PACRG: variants seen among roughly 807,000 people sequenced by gnomAD.
The protein encoded by PACRG is parkin coregulated, also known as parkin coregulated gene protein.
A neutral mutation model predicts 29.7 loss-of-function variants in PACRG; 29 were observed. The observed-to-expected ratio is 0.98, with a 90% CI of 0.73 to 1.33. The LOEUF is 1.33. Ranked by LOEUF, PACRG falls within the 40% of genes most tolerant of loss-of-function variation. The pLI is 0.00. For missense variants in PACRG, 279 were observed against 316.2 expected (o/e 0.88, Z 0.89); for synonymous variants, 116 against 118.7 (o/e 0.98, Z 0.15).
intron 4 of PACRG, among the ~76,000 whole-genome samples, chr6:163,098,719 G>A (rs1217801747): frequency 6.6e-6 from 1 of 152,180 alleles, no homozygotes; most frequent in Non-Finnish European, 1.5e-5. Context: ...AGAAAGTAAA[G>A]GAATAAAAGA....
At chr6:162,769,499 C>G (rs577595548) in intron 1 of PACRG, among the ~76,000 whole-genome samples, 31 of 152,014 alleles carry the variant, frequency 2.0e-4, no homozygotes, top group Admixed American at 1.3e-3. Flanking sequence ...TAGGGCTCAG[C>G]TTTTTAAACC....
In PACRG at chr6:163,062,326, G is replaced by A; in HGVS notation, c.463+5G>A. The A allele has an allele frequency of 1.2e-6, 2 of 1,605,520 alleles. No individual in the cohort carries two copies. Among genetic ancestry groups the A allele is most frequent in the Non-Finnish European group, 1.7e-6 (2 of 1,176,808 alleles). On this transcript the variant is annotated splice_donor_5th_base_variant and intron_variant, in intron 3 of 4. Coordinates refer to ENST00000366888, the MANE Select transcript of PACRG (RefSeq NM_001080379.2). ...AGCTCATTATCCCGATAAAAAGTAA[G>A]TGAACCGGTGAAAAAGCATCACTCA...
chr6:162,843,330 C>T (rs1210476886), intron 2 of PACRG, among the ~76,000 whole-genome samples: 22 of 147,628 alleles, frequency 1.5e-4, no homozygotes, highest in Admixed American at 6.1e-4. Flanking sequence ...CTTCCCTTCT[C>T]GCTTCATTTC....
intron 2 of PACRG, among the ~76,000 whole-genome samples, chr6:162,958,878 TATATATAG>T (rs1209591207): frequency 8.4e-4 from 17 of 20,184 alleles, no homozygotes; most frequent in South Asian, 2.5e-3. Context: ...TATATATATA[TATATATAG>T]AGAGAGAGAG....
At chr6:163,077,905 G>A (rs1477410360) in intron 3 of PACRG, among the ~76,000 whole-genome samples, 2 of 152,158 alleles carry the variant, frequency 1.3e-5, no homozygotes, top group Non-Finnish European at 2.9e-5. Flanking sequence ...CAGCACCCAC[G>A]ATGGAGGCGG....
At chr6:162,738,220 A>G (rs1780315329) in intron 1 of PACRG, among the ~76,000 whole-genome samples, 1 of 152,222 alleles carries the variant, frequency 6.6e-6, no homozygotes, top group Non-Finnish European at 1.5e-5. Flanking sequence ...CTATAGATAG[A>G]TGGATACAGA....
intron 3 of PACRG, among the ~76,000 whole-genome samples, chr6:163,085,039 G>A (rs1165880334): frequency 3.3e-5 from 5 of 151,800 alleles, no homozygotes; most frequent in South Asian, 2.1e-4. Flanking sequence ...TGACCACAAC[G>A]GTCACCAAAA....
At chr6:163,096,866 T>C (rs1017203710) in intron 4 of PACRG, among the ~76,000 whole-genome samples, 2 of 152,234 alleles carry the variant, frequency 1.3e-5, no homozygotes, top group African/African-American at 4.8e-5. Context: ...ACATCTAAGA[T>C]GATTACATAT....
intron 1 of PACRG, among the ~76,000 whole-genome samples, chr6:162,737,195 T>C (rs1780230170): frequency 6.6e-6 from 1 of 152,138 alleles, no homozygotes; most frequent in Non-Finnish European, 1.5e-5. Context: ...TTCCCGGACC[T>C]TGCCTGCTGT....
chr6:163,284,531 TTAA>T (rs1223491616), intron 4 of PACRG, among the ~76,000 whole-genome samples: 2 of 152,380 alleles, frequency 1.3e-5, no homozygotes, highest in South Asian at 4.1e-4. Flanking sequence ...GTTTAACAGA[TTAA>T]TGTTATTTTA....
At chr6:162,951,983 G>A (rs1215311496) in intron 2 of PACRG, among the ~76,000 whole-genome samples, 1 of 152,068 alleles carries the variant, frequency 6.6e-6, no homozygotes, top group African/African-American at 2.4e-5. Context: ...CTGAATCTTA[G>A]GAGAGAAATG....
intron 4 of PACRG, among the ~76,000 whole-genome samples, chr6:163,121,550 C>T (rs1389455496): frequency 6.6e-6 from 1 of 152,092 alleles, no homozygotes; most frequent in Non-Finnish European, 1.5e-5. Flanking sequence ...CTGAAATACA[C>T]CTAGTATGTG....
intron 4 of PACRG, among the ~76,000 whole-genome samples, chr6:163,300,915 T>C: frequency 9.4e-6 from 1 of 105,980 alleles, no homozygotes. Flanking sequence ...TTCCCATGAG[T>C]TTAGTAGGGC....
chr6:162,968,401 T>C lies in PACRG; in HGVS notation c.292-93749T>C, dbSNP rs184373226. On this transcript the variant is annotated intron_variant, in intron 2 of 4. Coordinates refer to ENST00000366888, the MANE Select transcript of PACRG (RefSeq NM_001080379.2). The stretch of plus-strand genomic sequence containing the variant: ...TCAAACAAAAAAATCTGTATCTGTC[T>C]TTCTCACTGAAATATTGTGAGAGTT... Among the ~76,000 whole-genome samples the C allele has an allele frequency of 3.9e-4, 60 of 152,358 alleles. No homozygotes were observed. In the East Asian group the frequency reaches 0.011, roughly 29 times the overall value.
chr6:162,764,333 A>G (rs1782614257), intron 1 of PACRG, among the ~76,000 whole-genome samples: 1 of 152,142 alleles, frequency 6.6e-6, no homozygotes, highest in Non-Finnish European at 1.5e-5. Context: ...TTCATTGCAA[A>G]AATTATGTAT....
chr6:163,199,399 C>T (rs1780603444), intron 4 of PACRG, among the ~76,000 whole-genome samples: 1 of 152,168 alleles, frequency 6.6e-6, no homozygotes, highest in Admixed American at 6.5e-5. Flanking sequence ...AGCCGCTGTT[C>T]CAAGTGAAAA....
intron 4 of PACRG, among the ~76,000 whole-genome samples, chr6:163,308,457 G>A (rs1372789874): frequency 6.6e-6 from 1 of 152,210 alleles, no homozygotes; most frequent in Admixed American, 6.5e-5. Flanking sequence ...CTTGAGGCCA[G>A]GAGTTCGAGA....
At chr6:163,122,517 C>G (rs1446128596) in intron 4 of PACRG, among the ~76,000 whole-genome samples, 1 of 152,124 alleles carries the variant, frequency 6.6e-6, no homozygotes, top group Non-Finnish European at 1.5e-5. Flanking sequence ...CCCACAAGAG[C>G]TGTTTGTTTA....
chr6:162,827,783 T>C (rs1224857255), intron 2 of PACRG, among the ~76,000 whole-genome samples: 1 of 152,038 alleles, frequency 6.6e-6, no homozygotes. Context: ...ATTGCCTCCA[T>C]ATCCACCTCC....
Sources: gnomAD v4.1 joint callset for allele counts (sites outside exome capture counted in the v4.1 genomes callset) on GRCh38, gnomAD v4.1.1 for gene constraint, MANE v1.5 for transcripts, NCBI Gene and HGNC (gene_info 2026-07-23, HGNC 2026-07-21) for gene names.